The following DENND1B variants were observed in gnomAD, a reference collection of about 807,000 sequenced individuals.
DENND1B encodes the protein DENN domain-containing protein 1B.
DENND1B carries 59 observed loss-of-function variants against 90.1 expected under a neutral mutation model. That is an observed-to-expected ratio of 0.65 (90% confidence interval 0.53 to 0.81). The LOEUF (loss-of-function observed/expected upper bound fraction) is 0.81. Ranked by LOEUF, DENND1B falls within the 40% of genes least tolerant of loss-of-function variation. DENND1B has a pLI of 0.00. For missense variants in DENND1B, 862 were observed against 912.6 expected (o/e 0.94, Z 0.71); for synonymous variants, 337 against 324.6 (o/e 1.04, Z -0.41).
intron 15 of DENND1B, among the ~76,000 whole-genome samples, chr1:197,560,101 TA>T (rs1225945890): frequency 6.6e-6 from 1 of 151,888 alleles, no homozygotes; most frequent in Non-Finnish European, 1.5e-5. Flanking sequence ...TTAAAACTAA[TA>T]ACCTAAAATA....
intron 5 of DENND1B, among the ~76,000 whole-genome samples, chr1:197,663,944 C>G (rs1466360855): frequency 6.6e-6 from 1 of 151,858 alleles, no homozygotes; most frequent in East Asian, 1.9e-4. Context: ...TCTAAGTACA[C>G]TTTAAGTCTA....
chr1:197,544,243 A>T (rs1670551182), intron 18 of DENND1B, among the ~76,000 whole-genome samples: 1 of 152,196 alleles, frequency 6.6e-6, no homozygotes, highest in African/African-American at 2.4e-5. Context: ...TTTCAGGGGA[A>T]ATAATGTCTG....
chr1:197,617,811 A>G (rs774177533), intron 10 of DENND1B, 52 bp from the exon 11 acceptor site: 1 of 1,260,132 alleles, frequency 7.9e-7, no homozygotes, highest in South Asian at 1.2e-5. Context: ...CCTTCCAAAC[A>G]AAAAGCAATG....
intron 11 of DENND1B, among the ~76,000 whole-genome samples, chr1:197,616,721 A>G (rs368927181): frequency 6.6e-6 from 1 of 151,154 alleles, no homozygotes; most frequent in African/African-American, 2.4e-5. Context: ...ATGAAATAAG[A>G]AAGTTAAATG....
chr1:197,545,016 C>CAAT (rs1670685129), intron 18 of DENND1B, among the ~76,000 whole-genome samples: 5 of 23,728 alleles, frequency 2.1e-4, no homozygotes, highest in Admixed American at 1.0e-3. Flanking sequence ...ACGACGACGA[C>CAAT]GACGAAAGAA....
At chr1:197,781,494 T>C in the DENND1B span, among the ~76,000 whole-genome samples, 1 of 152,216 alleles carries the variant, frequency 6.6e-6, no homozygotes, top group African/African-American at 2.4e-5. Context: ...TAATATTGAC[T>C]GAGATAGTGT....
chr1:197,593,080 C>A (rs1675378799), intron 14 of DENND1B, among the ~76,000 whole-genome samples: 1 of 151,530 alleles, frequency 6.6e-6, no homozygotes, highest in Admixed American at 6.6e-5. Flanking sequence ...AGAGAGAAGA[C>A]ATTGGTCTAT....
intron 16 of DENND1B, among the ~76,000 whole-genome samples, chr1:197,551,892 T>C (rs771759956): frequency 2.4e-4 from 37 of 152,110 alleles, no homozygotes; most frequent in Middle Eastern, 3.2e-3. Context: ...GATTCCACAT[T>C]CAGCTTACTT....
intron 15 of DENND1B, among the ~76,000 whole-genome samples, chr1:197,572,783 G>A (rs1239893597): frequency 6.6e-6 from 1 of 152,180 alleles, no homozygotes. Flanking sequence ...ACAGGCTCTG[G>A]AGTAGACCTC....
chr1:197,715,499 A>G (rs1660557044), intron 2 of DENND1B, among the ~76,000 whole-genome samples: 2 of 151,918 alleles, frequency 1.3e-5, no homozygotes, highest in South Asian at 4.1e-4. Flanking sequence ...CTCAGAGACT[A>G]GACCAAAATA....
chr1:197,774,576 G>A (rs1657027336), intron 1 of DENND1B: 1 of 152,260 alleles, frequency 6.6e-6, no homozygotes, highest in Non-Finnish European at 1.5e-5. Context: ...CAAGAACCAT[G>A]CATCTACAGT....
chr1:197,681,909 A>C (rs1258259292), intron 3 of DENND1B, among the ~76,000 whole-genome samples: 1 of 152,172 alleles, frequency 6.6e-6, no homozygotes, highest in African/African-American at 2.4e-5. Flanking sequence ...GATGGAACAT[A>C]GTGATAAAAT....
At chr1:197,598,739 C>A (rs1005043480) in intron 13 of DENND1B, among the ~76,000 whole-genome samples, 2 of 151,782 alleles carry the variant, frequency 1.3e-5, no homozygotes, top group African/African-American at 4.8e-5. Context: ...CAATTGTTTT[C>A]TCTTTTTATT....
chr1:197,591,368 T>C lies in DENND1B; in HGVS notation c.1047+3840A>G, dbSNP rs145039855. Among the ~76,000 whole-genome samples, 693 of 152,328 alleles carry C rather than the reference T, an allele frequency of 4.5e-3. 4 individuals carry two copies. Among genetic ancestry groups the C allele is most frequent in the Non-Finnish European group, 8.0e-3 (545 of 68,018 alleles). The stretch of plus-strand genomic sequence containing the variant: ...ACATATATCTGATAAACATAAATTA[T>C]ATCTATAATGCATCCTAATAAACAG... On this transcript the variant is annotated intron_variant, in intron 14 of 22. Transcript: ENST00000620048.
chr1:197,540,007 T>C lies in DENND1B; in HGVS notation c.1472A>G (p.His491Arg), dbSNP rs777362139. The change falls in exon 20 of 23, where the codon CAC (histidine) becomes CGC (arginine). Residue 491 changes from histidine to arginine, a missense_variant. Physicochemically the swap from His to Arg is conservative, Grantham distance 29 (BLOSUM62 0). Transcript: ENST00000620048. ...TTCTGAGTTTCCTCCCTTTTCATTG[T>C]GTAATTTGTAAACTGGTGTATATTG... is the stretch of plus-strand genomic sequence containing the variant. ...SVQYTPVYKL[H>R]NEKGGNSEKR... 3.7e-6 allele frequency: 6 copies of C among 1,613,392 alleles called. No homozygotes were observed. In the Admixed American group the frequency reaches 6.7e-5, roughly 18 times the overall value.
intron 10 of DENND1B, among the ~76,000 whole-genome samples, chr1:197,641,179 A>G (rs1391541865): frequency 6.6e-6 from 1 of 152,242 alleles, no homozygotes; most frequent in East Asian, 1.9e-4. Flanking sequence ...CATTTGTTAC[A>G]TGAATTAATC....
At chr1:197,735,403 G>A in intron 2 of DENND1B, 1 of 1,416,004 alleles carries the variant, frequency 7.1e-7, no homozygotes, top group African/African-American at 1.4e-5. Flanking sequence ...CAAGACCTCA[G>A]AGAATTCACT....
At chr1:197,715,127 G>C in intron 2 of DENND1B, 53 bp from the exon 3 acceptor site, 2 of 1,491,936 alleles carry the variant, frequency 1.3e-6, no homozygotes, top group Non-Finnish European at 1.9e-6. Flanking sequence ...CACATTTAAA[G>C]GAACAGTCTT....
chr1:197,661,526 T>C (rs1489982566), intron 5 of DENND1B, among the ~76,000 whole-genome samples: 2 of 152,132 alleles, frequency 1.3e-5, no homozygotes, highest in African/African-American at 4.8e-5. Flanking sequence ...GGTCTGTTTC[T>C]ATCCAACTCT....
Sources: gnomAD v4.1 joint callset for allele counts (sites outside exome capture counted in the v4.1 genomes callset) on GRCh38, gnomAD v4.1.1 for gene constraint, MANE v1.5 for transcripts, NCBI Gene and HGNC (gene_info 2026-07-23, HGNC 2026-07-21) for gene names.